Variants in THSD7A observed in about 807,000 individuals in gnomAD.
THSD7A encodes thrombospondin type 1 domain containing 7A, also known as thrombospondin type-1 domain-containing protein 7A.
THSD7A carries 96 observed loss-of-function variants against 231.3 expected under a neutral mutation model. The observed-to-expected ratio is 0.41, with a 90% CI of 0.35 to 0.49. THSD7A has a LOEUF of 0.49. Among genes scored for constraint, THSD7A ranks in the 20% least tolerant of loss-of-function variants. The pLI is 0.05. For synonymous variants in THSD7A, 940 were observed against 743.3 expected, an observed-to-expected ratio of 1.26 and a Z score of -4.30; for missense variants, 2,290 against 2,070.2, an observed-to-expected ratio of 1.11 and a Z score of -2.06.
At chr7:11,818,314 C>T (rs1465341304) in intron 1 of THSD7A, among the ~76,000 whole-genome samples, 1 of 152,230 alleles carries the variant, frequency 6.6e-6, no homozygotes, top group Non-Finnish European at 1.5e-5. Flanking sequence ...GTGTCCAATA[C>T]ATTTGCTTGG....
chr7:11,785,348 C>G (rs956531679), intron 1 of THSD7A, among the ~76,000 whole-genome samples: 1 of 152,096 alleles, frequency 6.6e-6, no homozygotes, highest in African/African-American at 2.4e-5. Context: ...GTGAACCCCC[C>G]ACCTCAGCCT....
chr7:11,712,126 G>A (rs1205401704), intron 1 of THSD7A, among the ~76,000 whole-genome samples: 1 of 150,952 alleles, frequency 6.6e-6, no homozygotes, highest in Non-Finnish European at 1.5e-5. Flanking sequence ...TATGGTATAT[G>A]TTTCCAAGTT....
At chr7:11,484,413 C>T (rs1217878338) in intron 6 of THSD7A, among the ~76,000 whole-genome samples, 1 of 152,086 alleles carries the variant, frequency 6.6e-6, no homozygotes, top group Admixed American at 6.6e-5. Context: ...TGTTTTTCAA[C>T]ATTCAGGTTT....
At chr7:11,681,285 T>C (rs1401599837) in intron 1 of THSD7A, among the ~76,000 whole-genome samples, 1 of 151,672 alleles carries the variant, frequency 6.6e-6, no homozygotes, top group Admixed American at 6.6e-5. Flanking sequence ...AACCACCATG[T>C]ACATTCTAGG....
At chr7:11,780,848 G>A (rs543835765) in intron 1 of THSD7A, among the ~76,000 whole-genome samples, 54 of 150,916 alleles carry the variant, frequency 3.6e-4, no homozygotes, top group Non-Finnish European at 1.8e-4. Flanking sequence ...AAAATTAGCC[G>A]GGCGCGGTGG....
chr7:11,650,166 T>C (rs2354964), intron 1 of THSD7A, among the ~76,000 whole-genome samples: 85,290 of 151,926 alleles, frequency 0.56, 24,137 homozygotes, highest in Admixed American at 0.62. Context: ...TTCATAATAG[T>C]TGCAATTGGG....
At chr7:11,582,487 T>C (rs1791208673) in intron 4 of THSD7A, among the ~76,000 whole-genome samples, 1 of 152,122 alleles carries the variant, frequency 6.6e-6, no homozygotes, top group African/African-American at 2.4e-5. Context: ...TTCATACATA[T>C]CTCTGCTTAA....
intron 6 of THSD7A, among the ~76,000 whole-genome samples, chr7:11,525,738 A>T (rs558493888): frequency 2.6e-5 from 4 of 152,192 alleles, no homozygotes; most frequent in African/African-American, 9.6e-5. Context: ...AAAAGTGTAC[A>T]ATATGACTTC....
intron 1 of THSD7A, among the ~76,000 whole-genome samples, chr7:11,667,650 T>G (rs1181023429): frequency 6.6e-6 from 1 of 152,152 alleles, no homozygotes; most frequent in Non-Finnish European, 1.5e-5. Context: ...GAGGTTCTTT[T>G]TGGGCCCACT....
intron 6 of THSD7A, among the ~76,000 whole-genome samples, chr7:11,512,098 A>G (rs886713025): frequency 6.6e-6 from 1 of 152,208 alleles, no homozygotes; most frequent in African/African-American, 2.4e-5. Flanking sequence ...GAAAAAATCA[A>G]ACAACCCCAT....
At position 11,392,853 on chromosome 7, in the gene THSD7A, G is replaced by T. The variant is rs145029519; in HGVS notation, c.4411+8942C>A. Among the ~76,000 whole-genome samples, 628 of 152,334 alleles carry T rather than the reference G, an allele frequency of 4.1e-3. 7 individuals are homozygous for T. Among genetic ancestry groups the T allele is most frequent in the Non-Finnish European group, 6.6e-3 (446 of 68,032 alleles). On this transcript the variant is annotated intron_variant, in intron 23 of 27. Coordinates refer to ENST00000423059, the MANE Select transcript of THSD7A (RefSeq NM_015204.3). ...TCTAGATTCCTTCTCCCTGAGCAGGGCATCTCTGAAAGAAAGGCAGCAGCC... is the reference window on the plus strand; with the variant it reads ...TCTAGATTCCTTCTCCCTGAGCAGGTCATCTCTGAAAGAAAGGCAGCAGCC...
intron 1 of THSD7A, among the ~76,000 whole-genome samples, chr7:11,772,562 C>T (rs1181010076): frequency 6.6e-6 from 1 of 152,078 alleles, no homozygotes; most frequent in Non-Finnish European, 1.5e-5. Flanking sequence ...AAATCATGTC[C>T]TTTACATGGA....
At chr7:11,628,885 T>C (rs1236952105) in intron 2 of THSD7A, among the ~76,000 whole-genome samples, 1 of 152,186 alleles carries the variant, frequency 6.6e-6, no homozygotes, top group East Asian at 1.9e-4. Flanking sequence ...CAGGGGTTAA[T>C]TCAGAAAAGT....
At chr7:11,410,445 A>G (rs576282313) in intron 19 of THSD7A, 2 of 152,300 alleles carry the variant, frequency 1.3e-5, no homozygotes, top group Admixed American at 6.5e-5. Context: ...TCTATTCCAG[A>G]TCTATTGAGG....
intron 1 of THSD7A, among the ~76,000 whole-genome samples, chr7:11,647,867 C>A (rs73292656): frequency 6.6e-6 from 1 of 151,958 alleles, no homozygotes; most frequent in South Asian, 2.1e-4. Flanking sequence ...CTAACTACTG[C>A]GTCCATACAT....
chr7:11,433,189 C>T (rs1784532286), intron 13 of THSD7A, among the ~76,000 whole-genome samples: 1 of 151,972 alleles, frequency 6.6e-6, no homozygotes, highest in Non-Finnish European at 1.5e-5. Context: ...AAATAGATTG[C>T]AGTGATCTAC....
chr7:11,530,107 A>G (rs6963353), intron 6 of THSD7A, among the ~76,000 whole-genome samples: 94,084 of 152,048 alleles, frequency 0.62, 29,557 homozygotes, highest in East Asian at 0.78. Context: ...CCAGAAAGTT[A>G]AAGCTCAATA....
chr7:11,744,722 G>A (rs563284447), intron 1 of THSD7A, among the ~76,000 whole-genome samples: 1 of 151,526 alleles, frequency 6.6e-6, no homozygotes, highest in South Asian at 2.1e-4. Flanking sequence ...ATAGTTTGCT[G>A]AGAATGATGG....
intron 16 of THSD7A, among the ~76,000 whole-genome samples, chr7:11,418,764 G>A (rs977412075): frequency 5.1e-4 from 78 of 151,864 alleles, no homozygotes; most frequent in African/African-American, 1.8e-3. Flanking sequence ...TGTGTTGTTG[G>A]TCATGTCTTA....
Sources: allele counts gnomAD v4.1 joint callset (sites outside exome capture counted in the v4.1 genomes callset), GRCh38; gene constraint gnomAD v4.1.1; transcripts MANE v1.5; gene names NCBI Gene and HGNC (gene_info 2026-07-23, HGNC 2026-07-21).